GPT2: variants seen among roughly 807,000 people sequenced by gnomAD.
The protein encoded by GPT2 is glutamic--pyruvic transaminase 2.
Under a neutral mutation model 56.9 loss-of-function variants are expected in GPT2, and 30 were observed. That is an observed-to-expected ratio of 0.53 (90% CI 0.39 to 0.72). GPT2 has a LOEUF of 0.72. GPT2 is among the 30% of genes least tolerant of loss of function. GPT2 has a pLI of 0.00. For synonymous variants in GPT2, 271 were observed against 283.1 expected, an observed-to-expected ratio of 0.96 and a Z score of 0.43; for missense variants, 542 against 703.4, an observed-to-expected ratio of 0.77 and a Z score of 2.60.
At chr16:46,885,574 C>T in intron 2 of GPT2, 1 of 983,798 alleles carries the variant, frequency 1.0e-6, no homozygotes, top group Non-Finnish European at 1.2e-6. Context: ...GGACAGTCAC[C>T]GAGGTGGGGA....
chr16:46,917,953 TTGGCAA>T (rs1270804193), intron 7 of GPT2, among the ~76,000 whole-genome samples: 1 of 152,178 alleles, frequency 6.6e-6, no homozygotes. Context: ...AGGGCCTGGC[TTGGCAA>T]TGGAGCCAGC....
At chr16:46,926,879 T>C in intron 10 of GPT2, 46 bp from the exon 11 acceptor site, 1 of 1,289,866 alleles carries the variant, frequency 7.8e-7, no homozygotes, top group Admixed American at 2.5e-5. Flanking sequence ...TTGAATGGTG[T>C]GTTTGCAAAG....
Position 46,922,308 on chromosome 16 carries a change from G to A in GPT2, c.1104G>A (p.Val368=), listed in dbSNP as rs1266941156. 3 of 1,614,240 alleles carry A rather than the reference G, an allele frequency of 1.9e-6. No homozygotes were observed. The highest frequency in any genetic ancestry group is 1.7e-5 in the Admixed American group (1 of 60,032). The change falls in exon 9 of 12, where the codon GTG becomes GTA. Residue 368 remains valine (V), a synonymous_variant. Transcript: ENST00000340124. ...ACCCTGAGATCAAGGGCCAGCTGGT[G>A]AAGCTGCTGTCGGTGCGCCTGTGCC... ...NLHPEIKGQL[V]KLLSVRLCPP... is the part of the protein sequence containing the mutation.
Position 46,893,976 on chromosome 16 carries a change from A to T in GPT2, c.244-3672A>T, listed in dbSNP as rs543484227. On this transcript the variant is annotated intron_variant, in intron 2 of 11. Transcript: ENST00000340124. ...CAGGGCTCTTGGTATTTCCCATCCC[A>T]TGTAGACCTTGAGTTCCCGGATGCA... 3.9e-5 allele frequency among the ~76,000 whole-genome samples: 6 copies of T among 152,210 alleles called. No homozygotes were observed. In the East Asian group the frequency reaches 1.2e-3, roughly 30 times the overall value.
intron 3 of GPT2, 82 bp downstream of exon 3, chr16:46,897,819 C>T: frequency 8.4e-7 from 1 of 1,196,560 alleles, no homozygotes; most frequent in South Asian, 1.3e-5. Flanking sequence ...TCCTCTGCCC[C>T]CTCGATGTCC....
intron 9 of GPT2, chr16:46,924,037 G>A: frequency 2.7e-6 from 1 of 368,658 alleles, no homozygotes; most frequent in East Asian, 7.0e-5. Flanking sequence ...AGGGCACGTG[G>A]CAGCCTCCCA....
At chr16:46,912,580 T>C (rs1178035801) in intron 6 of GPT2, among the ~76,000 whole-genome samples, 1 of 152,174 alleles carries the variant, frequency 6.6e-6, no homozygotes, top group African/African-American at 2.4e-5. Context: ...TACCTGAGAC[T>C]GGGTAATTTT....
chr16:46,923,010 G>A (rs956688142), intron 9 of GPT2, among the ~76,000 whole-genome samples: 1 of 152,022 alleles, frequency 6.6e-6, no homozygotes, highest in Non-Finnish European at 1.5e-5. Context: ...AATGTTGTGC[G>A]GCCATCACTG....
At chr16:46,885,002 AG>A (rs1285777337) in intron 2 of GPT2, 44 bp downstream of exon 2, 9 of 1,419,882 alleles carry the variant, frequency 6.3e-6, no homozygotes, top group African/African-American at 1.5e-5. Context: ...CCGCTGAGCA[AG>A]GGAAAAACCG....
At position 46,916,678 on chromosome 16, in the gene GPT2, G is replaced by A; in HGVS notation, c.871G>A (p.Glu291Lys). 2 of 1,613,570 alleles carry A rather than the reference G, an allele frequency of 1.2e-6. No homozygotes were observed. Among genetic ancestry groups the A allele is most frequent in the Non-Finnish European group, 1.7e-6 (2 of 1,179,474 alleles). The change falls in exon 7 of 12, where the codon GAA (glutamate) becomes AAA (lysine). Residue 291 changes from glutamate (E) to lysine (K), a missense_variant. Coordinates refer to ENST00000340124, the MANE Select transcript of GPT2 (RefSeq NM_133443.4). The stretch of plus-strand genomic sequence containing the variant: ...AGAAGATGTGATCCACTTTGCCTGG[G>A]AAGAGAAGCTCTTTCTCCTGGCTGA... The part of the protein sequence containing the change: ...CIEDVIHFAW[E>K]EKLFLLADEV...
At chr16:46,900,820 C>T (rs770803376) in intron 4 of GPT2, 30 bp downstream of exon 4, 19 of 1,586,822 alleles carry the variant, frequency 1.2e-5, no homozygotes, top group Admixed American at 6.7e-5. Flanking sequence ...GGCCCCTAGG[C>T]GTGAAATGAA....
chr16:46,926,763 C>T (rs73545748), intron 10 of GPT2, among the ~76,000 whole-genome samples, 162 bp from the exon 11 acceptor site: 6 of 152,364 alleles, frequency 3.9e-5, no homozygotes, highest in African/African-American at 1.4e-4. Flanking sequence ...GCACCAGCCA[C>T]CAGCAGTATC....
chr16:46,912,679 C>G (rs1314717182), intron 6 of GPT2, among the ~76,000 whole-genome samples: 2 of 152,164 alleles, frequency 1.3e-5, no homozygotes, highest in African/African-American at 4.8e-5. Flanking sequence ...CAGGAAGCTT[C>G]CAGTCAAAGC....
At chr16:46,903,965 T>G (rs1296534714) in intron 4 of GPT2, among the ~76,000 whole-genome samples, 1 of 152,074 alleles carries the variant, frequency 6.6e-6, no homozygotes, top group Non-Finnish European at 1.5e-5. Context: ...TTCACGCTCA[T>G]GGGGAGGATG....
At chr16:46,892,871 C>T (rs145771262) in intron 2 of GPT2, among the ~76,000 whole-genome samples, 1 of 152,132 alleles carries the variant, frequency 6.6e-6, no homozygotes, top group East Asian at 1.9e-4. Flanking sequence ...ACAGTTGTCT[C>T]TCAGTATCCA....
intron 2 of GPT2, among the ~76,000 whole-genome samples, chr16:46,896,020 C>T (rs995417843): frequency 2.0e-5 from 3 of 152,240 alleles, no homozygotes; most frequent in South Asian, 4.1e-4. Context: ...AGGCCAGGCC[C>T]TCCCACCCGG....
chr16:46,891,449 G>T (rs1960583697), intron 2 of GPT2, among the ~76,000 whole-genome samples: 2 of 151,894 alleles, frequency 1.3e-5, no homozygotes, highest in African/African-American at 4.8e-5. Context: ...TGTTGCCCAG[G>T]CTTGAGTGTA....
intron 10 of GPT2, 52 bp downstream of exon 10, chr16:46,924,596 C>T (rs2143562157): frequency 6.3e-7 from 1 of 1,598,208 alleles, no homozygotes; most frequent in Non-Finnish European, 8.5e-7. Context: ...ACCTGAGATG[C>T]TGGGTTGGGG....
At chr16:46,924,028 G>C in intron 9 of GPT2, 1 of 365,990 alleles carries the variant, frequency 2.7e-6, no homozygotes. Flanking sequence ...CCACACCCCA[G>C]GGCACGTGGC....
Sources: allele counts gnomAD v4.1 joint callset (sites outside exome capture counted in the v4.1 genomes callset), GRCh38; gene constraint gnomAD v4.1.1; transcripts MANE v1.5; gene names NCBI Gene and HGNC (gene_info 2026-07-23, HGNC 2026-07-21).